The following HEMK2 variants were observed in gnomAD, a reference collection of about 807,000 sequenced individuals.
The protein encoded by HEMK2 is methyltransferase HEMK2.
chr21:28,794,076 CTTTCT>C, the HEMK2 span, among the ~76,000 whole-genome samples: 1 of 152,104 alleles, frequency 6.6e-6, no homozygotes, highest in Non-Finnish European at 1.5e-5. Context: ...TTTCCTCTTC[CTTTCT>C]TTTCAGTACA....
the HEMK2 span, among the ~76,000 whole-genome samples, chr21:28,743,492 A>G: frequency 6.6e-6 from 1 of 152,152 alleles, no homozygotes. Context: ...ACTTGCTTCT[A>G]TTGTTTGTAC....
the HEMK2 span, chr21:28,882,033 G>T: frequency 1.7e-6 from 1 of 576,996 alleles, no homozygotes; most frequent in Admixed American, 3.9e-5. Context: ...CATCAACAAA[G>T]AATTTACTTT....
the HEMK2 span, among the ~76,000 whole-genome samples, chr21:28,796,974 A>C: frequency 6.6e-6 from 1 of 152,150 alleles, no homozygotes; most frequent in African/African-American, 2.4e-5. Flanking sequence ...TTGTATATTT[A>C]TATTTTTAGT....
chr21:28,866,175 A>AAAC, the HEMK2 span, among the ~76,000 whole-genome samples: 59 of 76,240 alleles, frequency 7.7e-4, 8 homozygotes, highest in South Asian at 1.2e-3. Flanking sequence ...CAAAAAAAAA[A>AAAC]ACACACACAC....
At chr21:28,802,557 G>A in the HEMK2 span, among the ~76,000 whole-genome samples, 8 of 151,784 alleles carry the variant, frequency 5.3e-5, no homozygotes, top group Admixed American at 1.3e-4. Context: ...GTGAAACCCC[G>A]TCTCTACTAA....
chr21:28,659,999 T>TC, the HEMK2 span, among the ~76,000 whole-genome samples: 1 of 152,052 alleles, frequency 6.6e-6, no homozygotes, highest in South Asian at 2.1e-4. Flanking sequence ...CAATAATGTG[T>TC]TGTAGTTTTC....
At chr21:28,785,884 T>C in the HEMK2 span, among the ~76,000 whole-genome samples, 1 of 152,262 alleles carries the variant, frequency 6.6e-6, no homozygotes, top group East Asian at 1.9e-4. Context: ...AAAGGACGCC[T>C]GACTCAAAAT....
At chr21:28,841,170 A>T in the HEMK2 span, among the ~76,000 whole-genome samples, 7 of 27,934 alleles carry the variant, frequency 2.5e-4, 1 homozygote, top group African/African-American at 1.3e-3. Flanking sequence ...TATAATATAT[A>T]ATATATAAAT....
chr21:28,632,412 T>G, the HEMK2 span, among the ~76,000 whole-genome samples: 1 of 152,188 alleles, frequency 6.6e-6, no homozygotes, highest in Non-Finnish European at 1.5e-5. Flanking sequence ...GCAGCAAAAT[T>G]GTAGTTGAAA....
chr21:28,738,239 C>A, the HEMK2 span, among the ~76,000 whole-genome samples: 3 of 152,170 alleles, frequency 2.0e-5, no homozygotes, highest in African/African-American at 7.2e-5. Flanking sequence ...TGTATTATTT[C>A]CACATTTAAG....
the HEMK2 span, among the ~76,000 whole-genome samples, chr21:28,705,767 A>G: frequency 5.3e-5 from 8 of 152,170 alleles, no homozygotes; most frequent in African/African-American, 1.4e-4. Flanking sequence ...CTCTAAGGGT[A>G]AATCAACGTT....
At chr21:28,617,183 T>C in the HEMK2 span, among the ~76,000 whole-genome samples, 70 of 152,300 alleles carry the variant, frequency 4.6e-4, 1 homozygote, top group Non-Finnish European at 9.4e-4. Context: ...GTTACATGTA[T>C]ATGAAGATCT....
chr21:28,713,448 C>G, the HEMK2 span, among the ~76,000 whole-genome samples: 2 of 152,152 alleles, frequency 1.3e-5, no homozygotes, highest in African/African-American at 2.4e-5. Context: ...TCAGGCCTCC[C>G]TCACTCATTC....
the HEMK2 span, among the ~76,000 whole-genome samples, chr21:28,777,856 C>T: frequency 1.3e-5 from 2 of 152,206 alleles, no homozygotes; most frequent in East Asian, 3.9e-4. Context: ...ATCTATGAGA[C>T]ATCAATAAAG....
the HEMK2 span, among the ~76,000 whole-genome samples, chr21:28,866,445 T>C: frequency 2.3e-5 from 1 of 43,042 alleles, no homozygotes; most frequent in Non-Finnish European, 6.5e-5. Context: ...TGAGACTCCA[T>C]CTCAAAAAAT....
chr21:28,676,732 G>T, the HEMK2 span, among the ~76,000 whole-genome samples: 1 of 152,108 alleles, frequency 6.6e-6, no homozygotes, highest in Non-Finnish European at 1.5e-5. Context: ...TGGCTTTGTG[G>T]AGGGTCCCTA....
chr21:28,730,855 G>A, the HEMK2 span, among the ~76,000 whole-genome samples: 1 of 152,096 alleles, frequency 6.6e-6, no homozygotes, highest in Non-Finnish European at 1.5e-5. Context: ...CCACATTCAA[G>A]AGGAAGAGAT....
chr21:28,647,846 G>A, the HEMK2 span, among the ~76,000 whole-genome samples: 1 of 152,226 alleles, frequency 6.6e-6, no homozygotes, highest in Non-Finnish European at 1.5e-5. Context: ...CTCAGAGGAT[G>A]CACAGGCATT....
At chr21:28,762,890 C>T in the HEMK2 span, among the ~76,000 whole-genome samples, 4 of 152,082 alleles carry the variant, frequency 2.6e-5, no homozygotes, top group Non-Finnish European at 4.4e-5. Flanking sequence ...AGAGAATGGA[C>T]TAAGACATGG....
Sources: gnomAD v4.1 joint callset for allele counts (sites outside exome capture counted in the v4.1 genomes callset) on GRCh38, gnomAD v4.1.1 for gene constraint, MANE v1.5 for transcripts, NCBI Gene and HGNC (gene_info 2026-07-23, HGNC 2026-07-21) for gene names.